Variants in ANKS1B observed in about 807,000 individuals in gnomAD.
ANKS1B encodes the protein ankyrin repeat and sterile alpha motif domain-containing protein 1B.
ANKS1B carries 36 observed loss-of-function variants against 148.3 expected under a neutral mutation model. That is an observed-to-expected ratio of 0.24 (90% CI 0.19 to 0.32). The LOEUF is 0.32. Among genes scored for constraint, ANKS1B ranks in the 10% least tolerant of loss-of-function variants. The pLI is 1.00. For missense variants in ANKS1B, 1,157 were observed against 1,542.6 expected, an observed-to-expected ratio of 0.75 and a Z score of 4.19; for synonymous variants, 542 against 560.8, an observed-to-expected ratio of 0.97 and a Z score of 0.47.
At chr12:99,127,525 A>G (rs1329985523) in intron 15 of ANKS1B, among the ~76,000 whole-genome samples, 3 of 152,242 alleles carry the variant, frequency 2.0e-5, no homozygotes, top group African/African-American at 7.2e-5. Flanking sequence ...GAAAACTTAT[A>G]AAAGTGTAAT....
chr12:99,149,320 G>A (rs997578515), intron 15 of ANKS1B, among the ~76,000 whole-genome samples: 2 of 152,054 alleles, frequency 1.3e-5, no homozygotes, highest in Non-Finnish European at 1.5e-5. Flanking sequence ...TCTATCATGC[G>A]CAAATGTTTT....
At chr12:99,589,847 G>A (rs1567421413) in intron 9 of ANKS1B, among the ~76,000 whole-genome samples, 1 of 152,070 alleles carries the variant, frequency 6.6e-6, no homozygotes, top group Non-Finnish European at 1.5e-5. Flanking sequence ...ACAAAAAAAT[G>A]ATAAATGCTT....
chr12:99,501,887 G>A (rs1200851525), intron 10 of ANKS1B, among the ~76,000 whole-genome samples: 3 of 152,040 alleles, frequency 2.0e-5, no homozygotes, highest in Admixed American at 6.6e-5. Flanking sequence ...GATGTGATTC[G>A]ATTTCTGTAA....
chr12:99,399,897 A>C, intron 11 of ANKS1B, 86 bp from the exon 12 acceptor site: 2 of 1,384,980 alleles, frequency 1.4e-6, no homozygotes, highest in Non-Finnish European at 2.0e-6. Flanking sequence ...CTAAGTGATA[A>C]TTTTTTTCAG....
chr12:99,025,068 A>AC (rs940263570), intron 17 of ANKS1B, among the ~76,000 whole-genome samples: 1 of 152,068 alleles, frequency 6.6e-6, no homozygotes, highest in East Asian at 1.9e-4. Context: ...GGCATGTGGT[A>AC]CCCCCCTCTC....
chr12:99,603,981 C>T (rs192075914), intron 9 of ANKS1B, among the ~76,000 whole-genome samples: 1 of 152,230 alleles, frequency 6.6e-6, no homozygotes, highest in East Asian at 1.9e-4. Flanking sequence ...GAAACCTGTA[C>T]TTGTCAGAGT....
At chr12:99,819,578 A>C (rs1245316947) in intron 2 of ANKS1B, among the ~76,000 whole-genome samples, 1 of 151,870 alleles carries the variant, frequency 6.6e-6, no homozygotes, top group African/African-American at 2.4e-5. Flanking sequence ...GTGTATATAA[A>C]ACAATATACA....
chr12:99,421,541 A>T (rs1168758950), intron 11 of ANKS1B, among the ~76,000 whole-genome samples: 1 of 151,972 alleles, frequency 6.6e-6, no homozygotes, highest in Non-Finnish European at 1.5e-5. Flanking sequence ...GGGGAAAAAG[A>T]AGAGAAGATA....
intron 25 of ANKS1B, among the ~76,000 whole-genome samples, chr12:98,752,403 C>T (rs1212455624): frequency 1.3e-5 from 2 of 152,024 alleles, no homozygotes; most frequent in African/African-American, 4.8e-5. Context: ...GGACTACAGG[C>T]ACGTGCCACC....
At chr12:99,961,092 G>A (rs961870295) in intron 1 of ANKS1B, among the ~76,000 whole-genome samples, 3 of 152,128 alleles carry the variant, frequency 2.0e-5, no homozygotes, top group Admixed American at 2.0e-4. Flanking sequence ...AGCCAGGCGT[G>A]GTGACAGGCG....
rs1471240418 is a variant in ANKS1B at position 99,403,156 on chromosome 12, T to C, written c.1576-3345A>G. ...AGTGTCTGTTCACTTTTCTTTCTTT[T>C]TTTTTTTTTTTTTTTTTTTTTTGAG... On this transcript the variant is annotated intron_variant, in intron 11 of 26. Coordinates refer to ENST00000683438, the MANE Select transcript of ANKS1B (RefSeq NM_001352186.2). 1.4e-4 allele frequency among the ~76,000 whole-genome samples: 10 copies of C among 71,316 alleles called. 1 individual carries two copies. The highest frequency in any genetic ancestry group is 3.4e-4 in the African/African-American group (5 of 14,528). 46.8% of individuals were successfully genotyped at this position (71,316 alleles called of 152,430 possible).
intron 26 of ANKS1B, among the ~76,000 whole-genome samples, chr12:98,747,871 A>G (rs572327895): frequency 6.6e-6 from 1 of 152,346 alleles, no homozygotes; most frequent in Admixed American, 6.5e-5. Context: ...CAAATATTGT[A>G]TGTTCTCATA....
At chr12:99,746,598 G>T (rs2060619473) in intron 8 of ANKS1B, among the ~76,000 whole-genome samples, 1 of 151,830 alleles carries the variant, frequency 6.6e-6, no homozygotes, top group African/African-American at 2.4e-5. Context: ...GTATATCAGT[G>T]CAACAAAAAA....
At chr12:99,648,939 G>C in intron 9 of ANKS1B, 2 of 1,123,982 alleles carry the variant, frequency 1.8e-6, no homozygotes, top group South Asian at 3.4e-5. Flanking sequence ...TGGAGGCCAT[G>C]GTACATTGAG....
intron 17 of ANKS1B, among the ~76,000 whole-genome samples, chr12:98,981,287 A>G (rs536276761): frequency 6.0e-5 from 9 of 151,022 alleles, no homozygotes; most frequent in Admixed American, 5.9e-4. Context: ...ACAGGCAAAC[A>G]CCACTATGCC....
At chr12:99,192,057 G>A (rs1004178276) in intron 14 of ANKS1B, among the ~76,000 whole-genome samples, 6 of 141,058 alleles carry the variant, frequency 4.3e-5, no homozygotes, top group African/African-American at 7.9e-5. Context: ...GCTTGAATCC[G>A]AGAGGTGGAG....
At chr12:99,557,759 T>G (rs894784941) in intron 9 of ANKS1B, among the ~76,000 whole-genome samples, 1 of 152,172 alleles carries the variant, frequency 6.6e-6, no homozygotes, top group African/African-American at 2.4e-5. Flanking sequence ...GTTGCCAGAG[T>G]TCTTGCACTG....
chr12:99,942,949 C>T (rs114849119), intron 1 of ANKS1B, among the ~76,000 whole-genome samples: 1 of 152,224 alleles, frequency 6.6e-6, no homozygotes, highest in African/African-American at 2.4e-5. Context: ...GTATTTGATT[C>T]ACGAATGACC....
intron 10 of ANKS1B, among the ~76,000 whole-genome samples, chr12:99,471,651 C>A (rs1464328151): frequency 6.7e-6 from 1 of 148,984 alleles, no homozygotes. Context: ...TATGCGTGCA[C>A]ACACACACAC....
Sources: gnomAD v4.1 joint callset for allele counts (sites outside exome capture counted in the v4.1 genomes callset) on GRCh38, gnomAD v4.1.1 for gene constraint, MANE v1.5 for transcripts, NCBI Gene and HGNC (gene_info 2026-07-23, HGNC 2026-07-21) for gene names.